NUP160: variants seen among roughly 807,000 people sequenced by gnomAD.
NUP160 encodes the protein nucleoporin 160, also known as nuclear pore complex protein Nup160.
A neutral mutation model predicts 196.9 loss-of-function variants in NUP160; 94 were observed. The ratio of observed to expected loss-of-function variants is 0.48; its 90% CI spans 0.40 to 0.57. NUP160 has a LOEUF of 0.57. Ranked by LOEUF, NUP160 falls within the 20% of genes least tolerant of loss-of-function variation. NUP160 has a pLI of 0.00. For missense variants in NUP160, 1,638 were observed against 1,748.3 expected (o/e 0.94, Z 1.13); for synonymous variants, 605 against 619.7 (o/e 0.98, Z 0.35).
chr11:47,836,951 A>G, exon 6 of NUP160: 1 of 1,613,940 alleles, frequency 6.2e-7, no homozygotes, highest in South Asian at 1.1e-5. Context: ...ATCATGCTCC[A>G]CACAATGAAC....
intron 21 of NUP160, chr11:47,804,308 G>A: frequency 2.4e-6 from 1 of 414,040 alleles, no homozygotes; most frequent in South Asian, 6.1e-5. Context: ...TTTAGAACCA[G>A]GTATTCTCTC....
chr11:47,842,454 G>A (rs1852324517), intron 2 of NUP160, among the ~76,000 whole-genome samples: 1 of 152,146 alleles, frequency 6.6e-6, no homozygotes, highest in Non-Finnish European at 1.5e-5. Context: ...TCTCCCGTGA[G>A]GACAGTGACC....
chr11:47,845,622 G>T (rs1197490130), intron 2 of NUP160, among the ~76,000 whole-genome samples: 1 of 152,166 alleles, frequency 6.6e-6, no homozygotes, highest in African/African-American at 2.4e-5. Flanking sequence ...CTCCATAAGA[G>T]TAGGGACTTT....
intron 17 of NUP160, among the ~76,000 whole-genome samples, chr11:47,809,144 G>T (rs960053746): frequency 6.6e-6 from 1 of 150,378 alleles, no homozygotes; most frequent in South Asian, 2.1e-4. Flanking sequence ...GTATGTGCCT[G>T]TAGTCCCAGG....
At chr11:47,805,381 T>C (rs1411908155) in intron 20 of NUP160, among the ~76,000 whole-genome samples, 1 of 151,988 alleles carries the variant, frequency 6.6e-6, no homozygotes, top group Admixed American at 6.6e-5. Context: ...TCTGCCCGCC[T>C]TGGCCTCCCA....
chr11:47,799,122 GTCAA>G (rs1172388609), intron 23 of NUP160, among the ~76,000 whole-genome samples: 1 of 151,438 alleles, frequency 6.6e-6, no homozygotes. Context: ...CAGGGTCTCT[GTCAA>G]TCAGACTGGA....
chr11:47,845,124 T>C (rs1599353050), intron 2 of NUP160, among the ~76,000 whole-genome samples: 1 of 152,192 alleles, frequency 6.6e-6, no homozygotes, highest in African/African-American at 2.4e-5. Context: ...ACTCTGTCTA[T>C]GGAGTAGCCA....
intron 23 of NUP160, among the ~76,000 whole-genome samples, chr11:47,800,713 C>A (rs2097673735): frequency 1.3e-5 from 2 of 152,064 alleles, no homozygotes; most frequent in Non-Finnish European, 2.9e-5. Flanking sequence ...AGCTACAAAT[C>A]TACTTCAGTG....
intron 7 of NUP160, among the ~76,000 whole-genome samples, chr11:47,823,691 C>G (rs1159510712): frequency 6.6e-6 from 1 of 151,900 alleles, no homozygotes; most frequent in Non-Finnish European, 1.5e-5. Context: ...CCTGTCACCA[C>G]GCCTGGCTAA....
At chr11:47,816,897 G>A (rs1009363215) in intron 11 of NUP160, among the ~76,000 whole-genome samples, 9 of 151,598 alleles carry the variant, frequency 5.9e-5, no homozygotes, top group African/African-American at 1.9e-4. Flanking sequence ...CACCCCCTTG[G>A]CCTCCCAAAG....
chr11:47,790,333 C>T (rs2097667197), intron 29 of NUP160, among the ~76,000 whole-genome samples: 1 of 152,018 alleles, frequency 6.6e-6, no homozygotes, highest in African/African-American at 2.4e-5. Context: ...GATCTCAGCC[C>T]ACTGCAACCT....
intron 22 of NUP160, 35 bp downstream of exon 22, chr11:47,803,403 T>C (rs978937603): frequency 1.5e-6 from 2 of 1,303,892 alleles, no homozygotes; most frequent in Non-Finnish European, 2.2e-6. Flanking sequence ...GCGTTAAAGT[T>C]TATAAAGTTT....
chr11:47,788,013 C>T (rs576632033), intron 31 of NUP160, among the ~76,000 whole-genome samples, 169 bp downstream of exon 31: 5 of 152,284 alleles, frequency 3.3e-5, no homozygotes, highest in Non-Finnish European at 2.9e-5. Flanking sequence ...TGAGCCACTG[C>T]GCTCAGCCTG....
chr11:47,783,983 C>T (rs1049539358), intron 33 of NUP160, among the ~76,000 whole-genome samples: 1 of 150,112 alleles, frequency 6.7e-6, no homozygotes, highest in Non-Finnish European at 1.5e-5. Flanking sequence ...CGTGAGTCAC[C>T]GTGCCCGGCC....
At position 47,835,752 on chromosome 11, in the gene NUP160, G is replaced by C. The variant is rs764053494; in HGVS notation, c.1000C>G (p.Leu334Val). ...TGTCCAGTTCCAGCAGTAAGCCGAAGGTCTTTCTTCACAGGGACATACTCC... is the reference window on the plus strand; with the variant it reads ...TGTCCAGTTCCAGCAGTAAGCCGAACGTCTTTCTTCACAGGGACATACTCC... Residue 334 changes from leucine to valine, a missense_variant, in exon 7 of 36, where the codon CTT (leucine) becomes GTT (valine). Leu to Val is a conservative substitution (Grantham distance 32). This residue lies in a region of NUP160 where 1,345 missense variants were observed against 1,470.2 expected (regional missense o/e 0.91). Transcript: ENST00000378460. 5 of 1,604,472 alleles carry C rather than the reference G, an allele frequency of 3.1e-6. No individual in the cohort carries two copies. The Admixed American group carries it at 8.5e-5, about 27-fold the overall frequency.
In NUP160 at chr11:47,783,201, G is replaced by C; in HGVS notation, c.3991-3C>G. 1.9e-6 allele frequency: 3 copies of C among 1,612,678 alleles called. No homozygotes were observed. Among genetic ancestry groups the C allele is most frequent in the Non-Finnish European group, 2.5e-6 (3 of 1,179,478 alleles). Reference sequence around the variant, plus strand: ...AGCAATTCAGCAGCATCAACCTTCTGTGAAAAGTCAGTGATTAAGAATATG... The same window carrying C: ...AGCAATTCAGCAGCATCAACCTTCTCTGAAAAGTCAGTGATTAAGAATATG... On this transcript the variant is annotated splice_region_variant and splice_polypyrimidine_tract_variant and intron_variant, in intron 33 of 35. Transcript: ENST00000378460.
chr11:47,809,642 G>A (rs1384798837), intron 17 of NUP160, among the ~76,000 whole-genome samples: 1 of 150,034 alleles, frequency 6.7e-6, no homozygotes, highest in East Asian at 2.0e-4. Context: ...CAGCTACCTG[G>A]GAGGCTGAGA....
intron 29 of NUP160, among the ~76,000 whole-genome samples, chr11:47,789,923 T>C (rs2097666941): frequency 6.6e-6 from 1 of 151,256 alleles, no homozygotes; most frequent in African/African-American, 2.4e-5. Flanking sequence ...TTCACACATA[T>C]TTTGTATTTT....
chr11:47,815,886 A>T, intron 12 of NUP160, 60 bp downstream of exon 12: 1 of 1,315,510 alleles, frequency 7.6e-7, no homozygotes, highest in Non-Finnish European at 1.1e-6. Context: ...CTCGGTCAGT[A>T]CCAATCTGCC....
Sources: allele counts gnomAD v4.1 joint callset (sites outside exome capture counted in the v4.1 genomes callset), GRCh38; gene constraint gnomAD v4.1.1; regional missense constraint gnomAD v4.1.1; transcripts MANE v1.5; gene names NCBI Gene and HGNC (gene_info 2026-07-23, HGNC 2026-07-21).